The following PPP2R2C variants were observed in gnomAD, a reference collection of about 807,000 sequenced individuals.
PPP2R2C encodes the protein protein phosphatase 2, regulatory subunit B, gamma.
PPP2R2C carries 10 observed loss-of-function variants against 45.3 expected under a neutral mutation model. The observed-to-expected ratio is 0.22, with a 90% CI of 0.14 to 0.37. The LOEUF (loss-of-function observed/expected upper bound fraction) is 0.37. PPP2R2C is among the 10% of genes least tolerant of loss of function. The pLI, the probability that PPP2R2C is intolerant of heterozygous loss-of-function variation, is 1.00. For missense variants in PPP2R2C, 308 were observed against 619.7 expected, an observed-to-expected ratio of 0.50 and a Z score of 5.34; for synonymous variants, 257 against 245.4, an observed-to-expected ratio of 1.05 and a Z score of -0.44.
chr4:6,428,264 C>T (rs372674311), intron 1 of PPP2R2C, among the ~76,000 whole-genome samples: 3 of 152,204 alleles, frequency 2.0e-5, no homozygotes, highest in East Asian at 3.9e-4. Flanking sequence ...TCCAGGTTCC[C>T]GTCAACATGG....
chr4:6,456,698 AACCAC>A (rs1721058667), intron 1 of PPP2R2C, among the ~76,000 whole-genome samples: 1 of 152,212 alleles, frequency 6.6e-6, no homozygotes, highest in Non-Finnish European at 1.5e-5. Flanking sequence ...CCTCACGGTG[AACCAC>A]GGGCTGCCTT....
chr4:6,410,932 G>T (rs13148109), intron 1 of PPP2R2C, among the ~76,000 whole-genome samples: 1 of 151,566 alleles, frequency 6.6e-6, no homozygotes, highest in Non-Finnish European at 1.5e-5. Context: ...GCGGTGGTGC[G>T]ATCTCTGCTC....
intron 5 of PPP2R2C, among the ~76,000 whole-genome samples, chr4:6,362,588 A>G (rs1461683278): frequency 1.3e-5 from 2 of 152,228 alleles, no homozygotes; most frequent in African/African-American, 4.8e-5. Context: ...AAAGCTGGGC[A>G]GGCCATCAGA....
At chr4:6,387,002 AAG>A (rs1285533408) in intron 1 of PPP2R2C, among the ~76,000 whole-genome samples, 1 of 152,192 alleles carries the variant, frequency 6.6e-6, no homozygotes, top group East Asian at 1.9e-4. Flanking sequence ...GAGAAAATAG[AAG>A]AGTTAGTGAA....
Position 6,384,473 on chromosome 4 carries a change from T to G in PPP2R2C, c.71-3379A>C, listed in dbSNP as rs138893698. 1.5e-5 allele frequency: 15 copies of G among 982,050 alleles called. No homozygotes were observed. The Admixed American group carries it at 1.8e-4, about 12-fold the overall frequency. The allele number at this position is 982,050 out of a possible 1,614,324, so 60.8% of individuals were successfully genotyped here. On this transcript the variant is annotated intron_variant, in intron 1 of 8. Transcript: ENST00000382599. ...TCCATATTTTCTAGATTTTCTATAA[T>G]GAAGTTACATCATTTTTTAATAGCT...
chr4:6,554,541 T>C (rs1329937622), intron 1 of PPP2R2C, among the ~76,000 whole-genome samples: 1 of 152,084 alleles, frequency 6.6e-6, no homozygotes, highest in Admixed American at 6.6e-5. Context: ...TACCTTAGAC[T>C]GAGTAGTTTA....
At chr4:6,552,762 G>T (rs900313800) in intron 1 of PPP2R2C, among the ~76,000 whole-genome samples, 1 of 152,110 alleles carries the variant, frequency 6.6e-6, no homozygotes, top group South Asian at 2.1e-4. Flanking sequence ...GACATCTTTG[G>T]GGGGCATTAT....
intron 1 of PPP2R2C, among the ~76,000 whole-genome samples, chr4:6,424,921 A>G (rs13136605): frequency 0.52 from 79,303 of 152,036 alleles, 21,568 homozygotes; most frequent in Non-Finnish European, 0.61. Flanking sequence ...CTGTGTGGCC[A>G]CAGAACAGCA....
At chr4:6,396,566 A>G (rs1717046160) in intron 1 of PPP2R2C, among the ~76,000 whole-genome samples, 1 of 152,256 alleles carries the variant, frequency 6.6e-6, no homozygotes, top group Non-Finnish European at 1.5e-5. Context: ...GACAATGGCA[A>G]TGGCCAGGGT....
At chr4:6,459,779 T>C (rs1402694755) in intron 1 of PPP2R2C, among the ~76,000 whole-genome samples, 3 of 151,992 alleles carry the variant, frequency 2.0e-5, no homozygotes, top group African/African-American at 7.3e-5. Flanking sequence ...AGAGCAAGCC[T>C]CTGTCACACA....
chr4:6,511,078 C>T (rs1182907748), intron 2 of PPP2R2C, among the ~76,000 whole-genome samples: 1 of 151,920 alleles, frequency 6.6e-6, no homozygotes. Context: ...CACTCACTAG[C>T]TGTCCCTGAA....
chr4:6,498,738 C>G (rs1030599968), intron 2 of PPP2R2C, among the ~76,000 whole-genome samples: 1 of 152,080 alleles, frequency 6.6e-6, no homozygotes, highest in Non-Finnish European at 1.5e-5. Flanking sequence ...AGTGAGCTCC[C>G]GGGCTGTGCT....
intron 2 of PPP2R2C, among the ~76,000 whole-genome samples, chr4:6,482,418 A>G (rs537348221): frequency 3.3e-5 from 5 of 152,158 alleles, no homozygotes; most frequent in Admixed American, 3.3e-4. Flanking sequence ...GCTGTGAACC[A>G]CTGAACCACT....
At chr4:6,485,763 C>G (rs564390035) in intron 2 of PPP2R2C, among the ~76,000 whole-genome samples, 1 of 151,934 alleles carries the variant, frequency 6.6e-6, no homozygotes, top group African/African-American at 2.4e-5. Context: ...CTCTTATTGT[C>G]CTGGTCAGTC....
intron 1 of PPP2R2C, among the ~76,000 whole-genome samples, chr4:6,549,268 C>T (rs1725100498): frequency 6.6e-6 from 1 of 152,118 alleles, no homozygotes; most frequent in Non-Finnish European, 1.5e-5. Context: ...TTTCCACCTC[C>T]ACCCCCACCC....
At chr4:6,383,249 C>A in intron 1 of PPP2R2C, 1 of 1,216,974 alleles carries the variant, frequency 8.2e-7, no homozygotes, top group Non-Finnish European at 1.0e-6. Flanking sequence ...CCCCAACCCC[C>A]GGCCAAGCCC....
intron 1 of PPP2R2C, among the ~76,000 whole-genome samples, chr4:6,398,663 T>C (rs1368436689): frequency 6.6e-6 from 1 of 152,074 alleles, no homozygotes; most frequent in East Asian, 1.9e-4. Context: ...TGAAAAACGA[T>C]AGAGCCCCGT....
chr4:6,464,643 C>T (rs1026531434), intron 1 of PPP2R2C, among the ~76,000 whole-genome samples: 1 of 152,192 alleles, frequency 6.6e-6, no homozygotes, highest in African/African-American at 2.4e-5. Context: ...ACAAATTAGA[C>T]TACCTAATGT....
At chr4:6,511,029 GAA>G (rs1723431589) in intron 2 of PPP2R2C, among the ~76,000 whole-genome samples, 1 of 146,924 alleles carries the variant, frequency 6.8e-6, no homozygotes, top group Non-Finnish European at 1.5e-5. Context: ...TTTGTTGAAT[GAA>G]TGAATAAGAG....
Sources: allele counts gnomAD v4.1 joint callset (sites outside exome capture counted in the v4.1 genomes callset), GRCh38; gene constraint gnomAD v4.1.1; transcripts MANE v1.5; gene names NCBI Gene and HGNC (gene_info 2026-07-23, HGNC 2026-07-21).